Variants in LPA observed in about 807,000 individuals in gnomAD.
The protein encoded by LPA is apolipoprotein(a).
Under a neutral mutation model 197.9 loss-of-function variants are expected in LPA, and 199 were observed. The ratio of observed to expected loss-of-function variants is 1.01; its 90% CI spans 0.90 to 1.13. The LOEUF is 1.13. LPA is among the 50% of genes most tolerant of loss of function. The probability of loss-of-function intolerance (pLI) is 0.00; values close to 1 mark genes in which losing one functional copy is unlikely to be tolerated. For missense variants in LPA, 1,853 were observed against 1,785.8 expected (o/e 1.04, Z -0.68); for synonymous variants, 715 against 639.5 (o/e 1.12, Z -1.78).
chr6:160,643,125 T>G (rs1582895761), intron 4 of LPA, among the ~76,000 whole-genome samples: 2 of 149,484 alleles, frequency 1.3e-5, no homozygotes, highest in Non-Finnish European at 3.0e-5. Context: ...TAGCTCATTC[T>G]GTAGGTTCTC....
chr6:160,555,368 G>C (rs2115010215), intron 30 of LPA, among the ~76,000 whole-genome samples: 1 of 143,470 alleles, frequency 7.0e-6, no homozygotes, highest in East Asian at 2.0e-4. Flanking sequence ...GCTTGCAGCT[G>C]TGCAGGCTAT....
chr6:160,552,828 A>G (rs1448475296), intron 30 of LPA, among the ~76,000 whole-genome samples: 1 of 152,176 alleles, frequency 6.6e-6, no homozygotes, highest in Admixed American at 6.5e-5. Flanking sequence ...ATCCTTTTAT[A>G]TTTAATATAC....
intron 21 of LPA, among the ~76,000 whole-genome samples, chr6:160,594,939 A>G (rs1483258537): frequency 6.6e-6 from 1 of 152,142 alleles, no homozygotes; most frequent in African/African-American, 2.4e-5. Context: ...CAGACTCAAA[A>G]ACCGCATTCC....
intron 18 of LPA, among the ~76,000 whole-genome samples, chr6:160,602,624 T>C (rs1019001633): frequency 1.3e-5 from 2 of 152,240 alleles, no homozygotes; most frequent in Non-Finnish European, 2.9e-5. Context: ...GAACTATTCT[T>C]CTTCTAGCTA....
intron 20 of LPA, among the ~76,000 whole-genome samples, chr6:160,598,907 G>A (rs1191518694): frequency 6.6e-6 from 1 of 152,198 alleles, no homozygotes; most frequent in Non-Finnish European, 1.5e-5. Context: ...TGAAAAGGTT[G>A]TATTAACCCT....
rs566595004 is a variant in LPA, at chr6:160,609,843, T to C, written c.2603+1719A>G. Among the ~76,000 whole-genome samples the C allele has an allele frequency of 2.0e-4, 31 of 152,150 alleles. 1 individual carries two copies. In the South Asian group the frequency reaches 4.6e-3, roughly 22 times the overall value. ...TATGGGTGTGTTTTGAATGTGTGTG[T>C]GTGTGGCTCATTCTGTAGGTTCTGC... On this transcript the variant is annotated intron_variant, in intron 16 of 38. Transcript: ENST00000316300.
At chr6:160,602,369 C>T (rs1034712315) in intron 18 of LPA, among the ~76,000 whole-genome samples, 2 of 152,176 alleles carry the variant, frequency 1.3e-5, no homozygotes, top group African/African-American at 4.8e-5. Context: ...TACATACCAT[C>T]GTGGATAAGG....
At chr6:160,574,366 C>T (rs780744902) in intron 28 of LPA, among the ~76,000 whole-genome samples, 2 of 152,276 alleles carry the variant, frequency 1.3e-5, no homozygotes, top group South Asian at 2.1e-4. Context: ...GTCCTTCCCC[C>T]ACCTGTGAAG....
chr6:160,537,233 T>G (rs1777908440), intron 37 of LPA, among the ~76,000 whole-genome samples: 1 of 152,188 alleles, frequency 6.6e-6, no homozygotes, highest in Non-Finnish European at 1.5e-5. Context: ...TACCACATCA[T>G]GCACAAAAAT....
At chr6:160,558,285 A>T (rs1778303686) in intron 28 of LPA, among the ~76,000 whole-genome samples, 1 of 151,818 alleles carries the variant, frequency 6.6e-6, no homozygotes, top group African/African-American at 2.4e-5. Context: ...TCTCTCTAGG[A>T]CTCTGCAGTA....
At position 160,576,334 on chromosome 6, in the gene LPA, GTGTGTGTATA is replaced by G. The variant is rs1446305731; in HGVS notation, c.4631+792_4631+801del. Among the ~76,000 whole-genome samples, 27 of 69,860 alleles carry G rather than the reference GTGTGTGTATA, an allele frequency of 3.9e-4. 1 individual carries two copies. The highest frequency in any genetic ancestry group is 1.2e-3 in the African/African-American group (21 of 17,706). 45.8% of individuals were successfully genotyped at this position (69,860 alleles called of 152,430 possible). A position where few individuals can be genotyped will look rare whatever the true frequency, so the allele number is the denominator to read the frequency against. Reference sequence around the variant, plus strand: ...TACCTGTATGTATGTGTGTGTGTGTGTGTGTGTATATATATATATATATATATATATACAT... The same window carrying G: ...TACCTGTATGTATGTGTGTGTGTGTGTATATATATATATATATATATACAT... On this transcript the variant is annotated intron_variant, in intron 28 of 38. Coordinates refer to ENST00000316300, the MANE Select transcript of LPA (RefSeq NM_005577.4).
chr6:160,663,166 G>C (rs1780254408), intron 1 of LPA, among the ~76,000 whole-genome samples: 1 of 152,180 alleles, frequency 6.6e-6, no homozygotes, highest in Non-Finnish European at 1.5e-5. Context: ...AGCTAGCTTT[G>C]GAAGCAAATC....
intron 16 of LPA, 61 bp from the exon 17 acceptor site, chr6:160,606,719 A>G (rs1209293063): frequency 6.3e-7 from 1 of 1,586,496 alleles, no homozygotes. Context: ...GGCACCCCAC[A>G]CCCTCTCCTT....
intron 30 of LPA, among the ~76,000 whole-genome samples, chr6:160,554,465 G>T (rs961166292): frequency 6.6e-6 from 1 of 152,116 alleles, no homozygotes; most frequent in Non-Finnish European, 1.5e-5. Context: ...TTTAGACTTG[G>T]TTTTTAAGCT....
chr6:160,588,404 T>C (rs1020924540), intron 24 of LPA, among the ~76,000 whole-genome samples: 9 of 152,138 alleles, frequency 5.9e-5, no homozygotes, highest in African/African-American at 2.2e-4. Flanking sequence ...ACAGCTTTCT[T>C]TGGTCTCTAC....
intron 22 of LPA, among the ~76,000 whole-genome samples, chr6:160,593,103 A>G (rs1409454942): frequency 6.6e-6 from 1 of 152,146 alleles, no homozygotes. Flanking sequence ...ATTCTTAGCC[A>G]GCCTAGAATA....
chr6:160,583,251 G>A (rs908366293), intron 26 of LPA, among the ~76,000 whole-genome samples: 5 of 151,386 alleles, frequency 3.3e-5, no homozygotes, highest in African/African-American at 7.3e-5. Flanking sequence ...ATTTTTAAAT[G>A]TATGCCACAC....
intron 16 of LPA, among the ~76,000 whole-genome samples, chr6:160,608,696 T>C (rs13202636): frequency 0.2 from 31,140 of 152,068 alleles, 3,761 homozygotes; most frequent in East Asian, 0.42. Flanking sequence ...CCGGTATTTG[T>C]TTCTGTTTCC....
chr6:160,601,329 T>C (rs957077138), intron 18 of LPA, among the ~76,000 whole-genome samples: 4 of 152,144 alleles, frequency 2.6e-5, no homozygotes, highest in African/African-American at 9.7e-5. Flanking sequence ...CAGCACACAC[T>C]TCCTAGAAAC....
Sources: allele counts gnomAD v4.1 joint callset (sites outside exome capture counted in the v4.1 genomes callset), GRCh38; gene constraint gnomAD v4.1.1; transcripts MANE v1.5; gene names NCBI Gene and HGNC (gene_info 2026-07-23, HGNC 2026-07-21).